Variants in ARID4B observed in about 807,000 individuals in gnomAD.
ARID4B encodes AT-rich interactive domain-containing protein 4B.
Under a neutral mutation model 147.5 loss-of-function variants are expected in ARID4B, and 26 were observed. That is an observed-to-expected ratio of 0.18 (90% CI 0.13 to 0.24). ARID4B has a LOEUF of 0.24. Ranked by LOEUF, ARID4B falls within the 10% of genes least tolerant of loss-of-function variation. ARID4B has a pLI of 1.00. For synonymous variants in ARID4B, 512 were observed against 507.9 expected, an observed-to-expected ratio of 1.01 and a Z score of -0.11; for missense variants, 1,179 against 1,511.5, an observed-to-expected ratio of 0.78 and a Z score of 3.65.
At chr1:235,300,541 G>C (rs1291897964) in intron 2 of ARID4B, among the ~76,000 whole-genome samples, 2 of 152,034 alleles carry the variant, frequency 1.3e-5, no homozygotes, top group Non-Finnish European at 2.9e-5. Context: ...TATTCTCATA[G>C]TGCTATCATG....
chr1:235,326,956 G>A lies in ARID4B; in HGVS notation c.-37C>T. ...GACCAAGGTATCCTCTAAAACACCA[G>A]GTTCAGCTGCACCTGGAGGGGAAAC... is the stretch of plus-strand genomic sequence containing the variant. On this transcript the variant is annotated 5_prime_UTR_variant, in exon 2 of 24. Coordinates refer to ENST00000264183, the MANE Select transcript of ARID4B (RefSeq NM_016374.6). 6.2e-7 allele frequency: 1 copy of A among 1,612,504 alleles called. No individual in the cohort carries two copies. Among genetic ancestry groups the A allele is most frequent in the South Asian group, 1.1e-5 (1 of 90,990 alleles).
At position 235,255,700 on chromosome 1, in the gene ARID4B, A is replaced by G. The variant is rs764492719; in HGVS notation, c.234T>C (p.Ala78=). 6.2e-7 allele frequency: 1 copy of G among 1,612,614 alleles called. No homozygotes were observed. Among genetic ancestry groups the G allele is most frequent in the Non-Finnish European group, 8.5e-7 (1 of 1,179,312 alleles). ...VKNLDGAYQE[A]VINKLTDASW... ...TCGCATCTGTTAGTTTATTGATAAC[A>G]GCTTCCTGATATGCACCATCAAGAT... The change falls in exon 5 of 24, where the codon GCT becomes GCC. Residue 78 remains alanine, a synonymous_variant. Coordinates refer to ENST00000264183, the MANE Select transcript of ARID4B (RefSeq NM_016374.6).
chr1:235,173,760 AAAAAAAAAAAAATATATATATATATATAT>A (rs1663570547), intron 22 of ARID4B, among the ~76,000 whole-genome samples: 2 of 52,812 alleles, frequency 3.8e-5, no homozygotes, highest in African/African-American at 2.1e-4. Flanking sequence ...AAAAAAAAAA[AAAAAAAAAAAAATATATATATATATATAT>A]ATATATATAT....
At chr1:235,325,740 G>T (rs2103321115) in intron 2 of ARID4B, among the ~76,000 whole-genome samples, 1 of 152,246 alleles carries the variant, frequency 6.6e-6, no homozygotes, top group Middle Eastern at 3.4e-3. Flanking sequence ...AATGAGATAG[G>T]AATAAACTGT....
chr1:235,272,804 A>G (rs1250506596), intron 2 of ARID4B, among the ~76,000 whole-genome samples: 1 of 144,376 alleles, frequency 6.9e-6, no homozygotes, highest in Non-Finnish European at 1.5e-5. Flanking sequence ...CTCAATATAA[A>G]TAAATGTCTA....
chr1:235,171,108 G>A (rs1663324289), intron 23 of ARID4B, among the ~76,000 whole-genome samples: 1 of 151,938 alleles, frequency 6.6e-6, no homozygotes, highest in Admixed American at 6.6e-5. Context: ...TCCTGCATTG[G>A]TTTTAGTTTT....
At chr1:235,210,301 C>G (rs1558204912) in intron 17 of ARID4B, among the ~76,000 whole-genome samples, 1 of 151,926 alleles carries the variant, frequency 6.6e-6, no homozygotes. Context: ...ACAAATCTCC[C>G]AAACTGCTTG....
At chr1:235,257,251 A>C in intron 3 of ARID4B, 26 bp from the exon 4 acceptor site, 2 of 1,540,166 alleles carry the variant, frequency 1.3e-6, no homozygotes, top group Non-Finnish European at 1.8e-6. Flanking sequence ...TTAATTAGCC[A>C]CCAAAAATAA....
intron 13 of ARID4B, 65 bp from the exon 14 acceptor site, chr1:235,221,727 GAC>G (rs1667475113): frequency 1.2e-6 from 1 of 866,908 alleles, no homozygotes; most frequent in Non-Finnish European, 1.9e-6. Context: ...CATTTTGATA[GAC>G]ACAGTATATA....
In ARID4B at chr1:235,273,130, C is replaced by T. The variant is rs1172845579; in HGVS notation, c.7-12378G>A. On this transcript the variant is annotated intron_variant, in intron 2 of 23. Coordinates refer to ENST00000264183, the MANE Select transcript of ARID4B (RefSeq NM_016374.6). ...TTGGCTCACTGCAACCTCTGCCTCC[C>T]AGGTTCAAGTGATTCTCCTGCCTCA... Among the ~76,000 whole-genome samples the T allele has an allele frequency of 3.3e-4, 50 of 152,178 alleles. 1 individual carries two copies. Among genetic ancestry groups the T allele is most frequent in the Admixed American group, 3.3e-3 (50 of 15,288 alleles).
intron 23 of ARID4B, 107 bp downstream of exon 23, chr1:235,172,511 G>C (rs1248627647): frequency 1.5e-6 from 1 of 678,406 alleles, no homozygotes; most frequent in Non-Finnish European, 2.2e-6. Flanking sequence ...CCAGGAGGTG[G>C]AGGTTGCAGT....
chr1:235,246,670 T>C (rs1286967501), intron 6 of ARID4B, among the ~76,000 whole-genome samples, 159 bp from the exon 7 acceptor site: 2 of 152,152 alleles, frequency 1.3e-5, no homozygotes, highest in Non-Finnish European at 1.5e-5. Flanking sequence ...AAATTCTAGT[T>C]TCAAAGATAT....
intron 2 of ARID4B, among the ~76,000 whole-genome samples, chr1:235,297,664 T>C (rs999617840): frequency 7.9e-5 from 12 of 152,046 alleles, no homozygotes; most frequent in African/African-American, 2.7e-4. Flanking sequence ...ACCAACCTCA[T>C]GATGGTAACT....
intron 19 of ARID4B, among the ~76,000 whole-genome samples, chr1:235,183,369 C>G (rs1043740068): frequency 5.9e-5 from 9 of 151,880 alleles, no homozygotes; most frequent in African/African-American, 2.2e-4. Flanking sequence ...CCACCACGCC[C>G]GGCTAATTTT....
At chr1:235,233,027 G>A (rs147983895) in intron 9 of ARID4B, among the ~76,000 whole-genome samples, 6,036 of 152,072 alleles carry the variant, frequency 0.04, 452 homozygotes, top group African/African-American at 0.14. Flanking sequence ...TAGTAGAGAC[G>A]GAGTTTTGCC....
intron 23 of ARID4B, among the ~76,000 whole-genome samples, chr1:235,171,941 C>G (rs1406829210): frequency 2.6e-5 from 4 of 152,150 alleles, no homozygotes; most frequent in African/African-American, 9.7e-5. Flanking sequence ...TGTGCCCGGC[C>G]TCCTCCCAGA....
At chr1:235,173,974 C>T (rs946273630) in intron 22 of ARID4B, among the ~76,000 whole-genome samples, 1 of 150,664 alleles carries the variant, frequency 6.6e-6, no homozygotes, top group African/African-American at 2.4e-5. Context: ...CATCTGCACC[C>T]CTATCCATTC....
rs1161699669 is a variant in ARID4B at position 235,213,893 on chromosome 1, T to C, written c.1717A>G (p.Met573Val). Residue 573 changes from methionine to valine, a missense_variant, in exon 17 of 24, where the codon ATG becomes GTG. By Grantham distance (21) the Met-to-Val change is conservative. Around this residue, in one of 10 missense-constraint regions of ARID4B, gnomAD observed 28 missense variants for 67.6 expected, o/e 0.41. Coordinates refer to ENST00000264183, the MANE Select transcript of ARID4B (RefSeq NM_016374.6). ...EEEFECYPPG[M>V]KVQVRYGRGK... ...CGTCCATACCGCACTTGGACTTTCA[T>C]GCCTGGTGGATAGCACTCAAACTCC... 6.2e-7 allele frequency: 1 copy of C among 1,614,030 alleles called. No homozygotes were observed. Among genetic ancestry groups the C allele is most frequent in the African/African-American group, 1.3e-5 (1 of 74,922 alleles).
chr1:235,203,944 T>C (rs958341758), intron 17 of ARID4B, among the ~76,000 whole-genome samples: 1 of 152,196 alleles, frequency 6.6e-6, no homozygotes, highest in Non-Finnish European at 1.5e-5. Context: ...TAAAACAAGA[T>C]ATATGAAAAT....
Sources: allele counts gnomAD v4.1 joint callset (sites outside exome capture counted in the v4.1 genomes callset), GRCh38; gene constraint gnomAD v4.1.1; regional missense constraint gnomAD v4.1.1; transcripts MANE v1.5; gene names NCBI Gene and HGNC (gene_info 2026-07-23, HGNC 2026-07-21).